The following TENM2 variants were observed in gnomAD, a reference collection of about 807,000 sequenced individuals.
TENM2 encodes the protein teneurin transmembrane protein 2.
Under a neutral mutation model 245.2 loss-of-function variants are expected in TENM2, and 52 were observed. That is an observed-to-expected ratio of 0.21 (90% CI 0.17 to 0.27). The LOEUF (loss-of-function observed/expected upper bound fraction) is 0.27, where lower values mean the gene tolerates loss of function less well. TENM2 is among the 10% of genes least tolerant of loss of function. The pLI is 1.00. For synonymous variants in TENM2, 1,363 were observed against 1,438.9 expected, an observed-to-expected ratio of 0.95 and a Z score of 1.19; for missense variants, 3,046 against 3,666.8, an observed-to-expected ratio of 0.83 and a Z score of 4.37.
intron 2 of TENM2, among the ~76,000 whole-genome samples, chr5:167,705,856 T>A (rs988630971): frequency 5.9e-5 from 9 of 151,734 alleles, no homozygotes; most frequent in African/African-American, 1.9e-4. Context: ...ATAGGTGGTA[T>A]CATGTAGCAG....
At chr5:167,309,263 G>A (rs1318162354) in intron 1 of TENM2, among the ~76,000 whole-genome samples, 2 of 152,120 alleles carry the variant, frequency 1.3e-5, no homozygotes, top group Admixed American at 6.6e-5. Flanking sequence ...ACCCCACTGG[G>A]TTGATACTGC....
the TENM2 span, among the ~76,000 whole-genome samples, chr5:167,228,996 G>A: frequency 0.017 from 2,569 of 152,236 alleles, 27 homozygotes; most frequent in Non-Finnish European, 0.026. Context: ...CACCGCGTCC[G>A]GCCCCAGTTT....
intron 2 of TENM2, among the ~76,000 whole-genome samples, chr5:167,512,784 T>C (rs1280603331): frequency 1.3e-5 from 2 of 152,218 alleles, no homozygotes; most frequent in East Asian, 3.9e-4. Context: ...TTCCTATGTC[T>C]GAGCCTTTTT....
At chr5:167,292,093 G>C (rs910310668) in intron 1 of TENM2, among the ~76,000 whole-genome samples, 8 of 152,106 alleles carry the variant, frequency 5.3e-5, no homozygotes, top group Non-Finnish European at 7.3e-5. Flanking sequence ...ACTATCATGA[G>C]AACAGCATGG....
chr5:168,078,035 C>A (rs535596478), intron 7 of TENM2, among the ~76,000 whole-genome samples: 3 of 152,272 alleles, frequency 2.0e-5, no homozygotes, highest in Admixed American at 2.0e-4. Flanking sequence ...CTAGTTTACG[C>A]TCCCACAAAC....
At chr5:167,108,132 T>C in the TENM2 span, among the ~76,000 whole-genome samples, 1 of 152,204 alleles carries the variant, frequency 6.6e-6, no homozygotes, top group African/African-American at 2.4e-5. Context: ...TTTGTTTTTG[T>C]TTTGTTTTAT....
intron 1 of TENM2, among the ~76,000 whole-genome samples, chr5:167,289,086 T>C (rs1489795853): frequency 6.6e-6 from 1 of 152,144 alleles, no homozygotes; most frequent in Non-Finnish European, 1.5e-5. Context: ...CATTCCTGAC[T>C]CTCCAGAAGC....
the TENM2 span, among the ~76,000 whole-genome samples, chr5:167,148,246 A>C: frequency 1.8e-4 from 28 of 152,214 alleles, no homozygotes; most frequent in African/African-American, 6.8e-4. Context: ...ATGAAAGAGC[A>C]ATTAATGTGT....
chr5:167,246,315 A>G, the TENM2 span, among the ~76,000 whole-genome samples: 39,493 of 151,992 alleles, frequency 0.26, 6,205 homozygotes, highest in East Asian at 0.46. Context: ...ATGTGTGTGC[A>G]TGTGTGTGCA....
intron 2 of TENM2, among the ~76,000 whole-genome samples, chr5:167,857,581 A>C (rs1296276206): frequency 2.5e-4 from 38 of 152,110 alleles, no homozygotes; most frequent in Admixed American, 2.5e-3. Context: ...ACCATCTCAT[A>C]CTGCATATAC....
At chr5:167,644,324 T>C (rs1779794266) in intron 2 of TENM2, among the ~76,000 whole-genome samples, 1 of 152,222 alleles carries the variant, frequency 6.6e-6, no homozygotes, top group African/African-American at 2.4e-5. Flanking sequence ...TCCCTTGTTA[T>C]TCTCACATAA....
intron 5 of TENM2, among the ~76,000 whole-genome samples, chr5:167,998,146 T>C (rs1367423209): frequency 6.6e-6 from 1 of 152,220 alleles, no homozygotes; most frequent in Non-Finnish European, 1.5e-5. Context: ...GAAACAGTGC[T>C]CCAATCCATG....
chr5:167,154,266 C>T, the TENM2 span, among the ~76,000 whole-genome samples: 1 of 152,128 alleles, frequency 6.6e-6, no homozygotes, highest in Non-Finnish European at 1.5e-5. Context: ...TAGTTTGGAA[C>T]ATGTATTTTA....
chr5:167,438,104 G>C (rs180707651), intron 2 of TENM2, among the ~76,000 whole-genome samples: 2 of 152,230 alleles, frequency 1.3e-5, no homozygotes, highest in African/African-American at 4.8e-5. Flanking sequence ...AGTCTACTAT[G>C]AACTATCTGA....
intron 2 of TENM2, among the ~76,000 whole-genome samples, chr5:167,781,651 T>G (rs573354022): frequency 1.1e-3 from 160 of 152,318 alleles, no homozygotes; most frequent in African/African-American, 3.7e-3. Flanking sequence ...AAACTCAGGC[T>G]ATAGGCCTCG....
At chr5:168,164,512 A>C (rs1015780631) in intron 13 of TENM2, among the ~76,000 whole-genome samples, 13 of 152,236 alleles carry the variant, frequency 8.5e-5, no homozygotes, top group East Asian at 3.9e-4. Context: ...AGTGGAGTCA[A>C]AGCAAAAACC....
Position 167,560,317 on chromosome 5 carries a change from T to C in TENM2, c.502+184844T>C, listed in dbSNP as rs573561213. ...TTTTACCTTTTATTACCTATTTCTG[T>C]ATTATACTCTTCATTTTGCATGCGA... On this transcript the variant is annotated intron_variant, in intron 2 of 28. Transcript: ENST00000518659. Among the ~76,000 whole-genome samples the C allele has an allele frequency of 7.2e-5, 11 of 152,324 alleles. No individual in the cohort carries two copies. In the South Asian group the frequency reaches 2.3e-3, roughly 32 times the overall value.
intron 12 of TENM2, among the ~76,000 whole-genome samples, chr5:168,160,371 A>G (rs1412092188): frequency 3.3e-5 from 5 of 152,240 alleles, no homozygotes; most frequent in Admixed American, 3.3e-4. Context: ...AAGCATGGAA[A>G]TGTGAATCTG....
chr5:167,121,828 G>A, the TENM2 span, among the ~76,000 whole-genome samples: 3 of 152,202 alleles, frequency 2.0e-5, no homozygotes, highest in Non-Finnish European at 4.4e-5. Flanking sequence ...CCTGGAATAA[G>A]TGTGTTTCCT....
Sources: gnomAD v4.1 joint callset for allele counts (sites outside exome capture counted in the v4.1 genomes callset) on GRCh38, gnomAD v4.1.1 for gene constraint, MANE v1.5 for transcripts, NCBI Gene and HGNC (gene_info 2026-07-23, HGNC 2026-07-21) for gene names.